ADGRV1: variants seen among roughly 807,000 people sequenced by gnomAD.
ADGRV1 encodes G-protein coupled receptor 98.
In ADGRV1, 359 loss-of-function variants were observed where a neutral mutation model predicts 596.2. The ratio of observed to expected loss-of-function variants is 0.60; its 90% confidence interval spans 0.55 to 0.66. The LOEUF is 0.66. Ranked by LOEUF, ADGRV1 falls within the 30% of genes least tolerant of loss-of-function variation. The probability of loss-of-function intolerance (pLI) is 0.00; values close to 1 mark genes in which losing one functional copy is unlikely to be tolerated. For missense variants in ADGRV1, 7,274 were observed against 7,575.6 expected, an observed-to-expected ratio of 0.96 and a Z score of 1.48; for synonymous variants, 2,681 against 2,679.2, an observed-to-expected ratio of 1.00 and a Z score of -0.02.
At chr5:90,720,584 A>C (rs1390996016) in intron 44 of ADGRV1, among the ~76,000 whole-genome samples, 1 of 152,130 alleles carries the variant, frequency 6.6e-6, no homozygotes, top group Non-Finnish European at 1.5e-5. Context: ...TATTAACATG[A>C]TTGTGGTTTT....
intron 87 of ADGRV1, among the ~76,000 whole-genome samples, chr5:91,108,727 A>G (rs1792111843): frequency 6.6e-6 from 1 of 152,040 alleles, no homozygotes; most frequent in Admixed American, 6.6e-5. Flanking sequence ...AAGTAGCTGA[A>G]CTACAGGCAC....
chr5:90,764,913 A>G (rs1029530205), intron 59 of ADGRV1, among the ~76,000 whole-genome samples: 3 of 152,116 alleles, frequency 2.0e-5, no homozygotes, highest in African/African-American at 7.2e-5. Context: ...AAGTTCCTGA[A>G]TAGCCACTTA....
chr5:90,627,651 T>A lies in ADGRV1; in HGVS notation c.1113T>A (p.Ala371=), dbSNP rs768498241. ...MLLKDTLQGD[A]VLISPSVVQV... ...TAAAAGATACCTTACAGGGAGATGCTGTGCTAATAAGCCCTTCTGTTGTAC... is the reference window on the plus strand; with the variant it reads ...TAAAAGATACCTTACAGGGAGATGCAGTGCTAATAAGCCCTTCTGTTGTAC... Residue 371 remains alanine (A), a synonymous_variant, in exon 7 of 90, where the codon GCT becomes GCA. Transcript: ENST00000405460. 3 of 1,613,908 alleles carry A rather than the reference T, an allele frequency of 1.9e-6. No homozygotes were observed. Among genetic ancestry groups the A allele is most frequent in the Admixed American group, 1.7e-5 (1 of 60,024 alleles).
intron 60 of ADGRV1, 64 bp from the exon 61 acceptor site, chr5:90,776,389 C>T (rs1414806801): frequency 6.6e-7 from 1 of 1,504,182 alleles, no homozygotes; most frequent in Non-Finnish European, 9.1e-7. Flanking sequence ...TAGAAAGTTT[C>T]CAGGCATATA....
chr5:90,943,043 A>C (rs1776288266), intron 83 of ADGRV1, among the ~76,000 whole-genome samples: 1 of 152,132 alleles, frequency 6.6e-6, no homozygotes, highest in Non-Finnish European at 1.5e-5. Context: ...TTGATGACTG[A>C]CTAAACTGGC....
At chr5:90,668,233 C>A (rs1210001997) in intron 21 of ADGRV1, among the ~76,000 whole-genome samples, 2 of 152,078 alleles carry the variant, frequency 1.3e-5, no homozygotes, top group Non-Finnish European at 2.9e-5. Context: ...GCAGTTTGAT[C>A]TCAGACTGCT....
intron 75 of ADGRV1, 45 bp downstream of exon 75, chr5:90,815,781 C>A: frequency 1.9e-6 from 2 of 1,071,280 alleles, no homozygotes; most frequent in South Asian, 1.4e-5. Flanking sequence ...TTCTGTGTGT[C>A]TGTACAAATG....
At chr5:91,037,003 ATGGATAC>A (rs1472180886) in intron 85 of ADGRV1, among the ~76,000 whole-genome samples, 3 of 152,198 alleles carry the variant, frequency 2.0e-5, no homozygotes, top group Non-Finnish European at 4.4e-5. Context: ...CCACAGTTTC[ATGGATAC>A]TGACAGATAT....
rs567609576 is a variant in ADGRV1 at position 91,145,253 on chromosome 5, C to T, written c.18433-4777C>T. Among the ~76,000 whole-genome samples, 353 of 152,234 alleles carry T rather than the reference C, an allele frequency of 2.3e-3. 2 individuals are homozygous for T. The highest frequency in any genetic ancestry group is 7.8e-3 in the African/African-American group (325 of 41,542). ...TTATTTTCAGCAGGCAGTTCCTTTC[C>T]TGAAACACAAAAGGCTAGATATAAA... On this transcript the variant is annotated intron_variant, in intron 87 of 89. Transcript: ENST00000405460.
chr5:90,581,646 AGGTGT>A (rs1758072526), intron 1 of ADGRV1, among the ~76,000 whole-genome samples: 1 of 152,064 alleles, frequency 6.6e-6, no homozygotes. Flanking sequence ...TGCCTGTATG[AGGTGT>A]CTGTCGGCCC....
At chr5:90,605,620 A>C (rs1212110970) in intron 1 of ADGRV1, among the ~76,000 whole-genome samples, 1 of 152,132 alleles carries the variant, frequency 6.6e-6, no homozygotes, top group Non-Finnish European at 1.5e-5. Flanking sequence ...TTCTGGAAAA[A>C]ATTATTGTGT....
At chr5:90,896,091 T>C (rs1771284220) in intron 83 of ADGRV1, among the ~76,000 whole-genome samples, 1 of 152,022 alleles carries the variant, frequency 6.6e-6, no homozygotes, top group African/African-American at 2.4e-5. Context: ...TATAAATTGT[T>C]GGATTGTGTC....
At chr5:90,901,691 T>C (rs1473668458) in intron 83 of ADGRV1, among the ~76,000 whole-genome samples, 2 of 152,164 alleles carry the variant, frequency 1.3e-5, no homozygotes, top group Non-Finnish European at 2.9e-5. Flanking sequence ...ACATATGTAT[T>C]TATTAAAGTA....
In ADGRV1 at chr5:90,644,687, G is replaced by A. The variant is rs184696502; in HGVS notation, c.2735-19G>A. On this transcript the variant is annotated intron_variant, in intron 14 of 89. Transcript: ENST00000405460. ...TTTCGTATGTCTTCATATGTATTAT[G>A]TATGTTTCCATTTCACAGCTGTTTA... 21 of 1,591,778 alleles carry A rather than the reference G, an allele frequency of 1.3e-5. No individual in the cohort carries two copies. Among genetic ancestry groups the A allele is most frequent in the African/African-American group, 8.1e-5 (6 of 74,058 alleles).
chr5:90,912,545 A>T (rs1772983878), intron 83 of ADGRV1, among the ~76,000 whole-genome samples: 1 of 151,944 alleles, frequency 6.6e-6, no homozygotes, highest in Non-Finnish European at 1.5e-5. Context: ...CCCTCCTTCC[A>T]CATTCTAGTA....
At chr5:91,001,993 A>G (rs1057148678) in intron 85 of ADGRV1, among the ~76,000 whole-genome samples, 10 of 152,122 alleles carry the variant, frequency 6.6e-5, no homozygotes, top group Admixed American at 3.3e-4. Context: ...AGAAAATATG[A>G]TATTGTTTTT....
chr5:90,810,056 A>G (rs958090757), intron 73 of ADGRV1, among the ~76,000 whole-genome samples, 177 bp from the exon 74 acceptor site: 1 of 152,204 alleles, frequency 6.6e-6, no homozygotes, highest in Non-Finnish European at 1.5e-5. Context: ...TCCTGTTCTT[A>G]CATTTCTTTT....
chr5:90,686,153 CT>C (rs61571031), intron 29 of ADGRV1, among the ~76,000 whole-genome samples, 158 bp downstream of exon 29: 14 of 142,174 alleles, frequency 9.8e-5, no homozygotes, highest in South Asian at 4.6e-4. Flanking sequence ...AATCTAGAGT[CT>C]TTTTTTTTGG....
intron 84 of ADGRV1, among the ~76,000 whole-genome samples, chr5:90,977,944 A>C (rs1029943447): frequency 6.6e-6 from 1 of 152,184 alleles, no homozygotes; most frequent in Admixed American, 6.6e-5. Context: ...CTAGGGGGAA[A>C]GTCTTGATTA....
Sources: gnomAD v4.1 joint callset for allele counts (sites outside exome capture counted in the v4.1 genomes callset) on GRCh38, gnomAD v4.1.1 for gene constraint, MANE v1.5 for transcripts, NCBI Gene and HGNC (gene_info 2026-07-23, HGNC 2026-07-21) for gene names.